The following SEMA6D variants were observed in gnomAD, a reference collection of about 807,000 sequenced individuals.
SEMA6D encodes semaphorin 6D.
In SEMA6D, 35 loss-of-function variants were observed where a neutral mutation model predicts 106.6. The observed-to-expected ratio is 0.33, with a 90% CI of 0.25 to 0.44. The LOEUF is 0.44. Ranked by LOEUF, SEMA6D falls within the 20% of genes least tolerant of loss-of-function variation. SEMA6D has a pLI of 1.00. For missense variants in SEMA6D, 1,185 were observed against 1,345.9 expected (o/e 0.88, Z 1.87); for synonymous variants, 499 against 487.7 (o/e 1.02, Z -0.31).
chr15:47,703,366 A>T (rs1238051503), intron 4 of SEMA6D, among the ~76,000 whole-genome samples: 1 of 152,262 alleles, frequency 6.6e-6, no homozygotes, highest in Non-Finnish European at 1.5e-5. Flanking sequence ...AAGACATGAA[A>T]TACAAGTTTG....
At chr15:47,237,803 G>A (rs1704508148) in intron 1 of SEMA6D, among the ~76,000 whole-genome samples, 1 of 152,068 alleles carries the variant, frequency 6.6e-6, no homozygotes, top group Non-Finnish European at 1.5e-5. Context: ...AGATTCTGAG[G>A]CCCTGGAGGT....
chr15:47,509,993 C>G (rs943981262), intron 3 of SEMA6D, among the ~76,000 whole-genome samples: 12 of 152,194 alleles, frequency 7.9e-5, no homozygotes, highest in Non-Finnish European at 1.3e-4. Flanking sequence ...TGTCATGGCC[C>G]TTCCACCTTA....
chr15:47,383,913 C>T (rs7174904), intron 1 of SEMA6D, among the ~76,000 whole-genome samples: 33,383 of 152,024 alleles, frequency 0.22, 3,934 homozygotes, highest in Middle Eastern at 0.33. Flanking sequence ...TATCTCATGA[C>T]CCAAATTCAA....
chr15:47,207,993 G>GCACACACACACA lies in SEMA6D; in HGVS notation c.-239+23621_-239+23632dup, dbSNP rs57079521. ...AGGTACAGTAGCCACTGGCGCGCGC[G>GCACACACACACA]CACACACACACACACACACACACAC... On this transcript the variant is annotated intron_variant, in intron 1 of 19. Coordinates refer to the SEMA6D transcript ENST00000558014. Among the ~76,000 whole-genome samples the GCACACACACACA allele has an allele frequency of 5.0e-3, 448 of 89,404 alleles. 5 individuals are homozygous for GCACACACACACA. The highest frequency in any genetic ancestry group is 6.2e-3 in the Non-Finnish European group (271 of 43,652). 58.7% of individuals were successfully genotyped at this position (89,404 alleles called of 152,430 possible).
intron 4 of SEMA6D, among the ~76,000 whole-genome samples, chr15:47,705,300 A>C (rs897001796): frequency 3.3e-5 from 5 of 152,198 alleles, no homozygotes; most frequent in Non-Finnish European, 5.9e-5. Flanking sequence ...GGACTTTGGT[A>C]ATATCTAACT....
intron 1 of SEMA6D, among the ~76,000 whole-genome samples, chr15:47,198,834 G>A (rs978443921): frequency 2.0e-5 from 3 of 152,124 alleles, no homozygotes; most frequent in African/African-American, 4.8e-5. Context: ...ATTATACAGT[G>A]ACAGGAGGGA....
intron 3 of SEMA6D, among the ~76,000 whole-genome samples, chr15:47,576,687 A>G (rs1183226823): frequency 2.0e-5 from 3 of 152,136 alleles, no homozygotes; most frequent in East Asian, 1.9e-4. Context: ...CTTTTATTCA[A>G]TATTTACTCC....
intron 2 of SEMA6D, among the ~76,000 whole-genome samples, chr15:47,443,816 G>A (rs768739841): frequency 2.6e-5 from 4 of 152,070 alleles, no homozygotes; most frequent in Admixed American, 6.6e-5. Context: ...AAGATATCAG[G>A]CTGTTTTGGG....
chr15:47,572,884 C>T (rs989833449), intron 3 of SEMA6D, among the ~76,000 whole-genome samples: 2 of 151,958 alleles, frequency 1.3e-5, no homozygotes, highest in Non-Finnish European at 1.5e-5. Flanking sequence ...GAAACAACAT[C>T]GCATATGCAG....
intron 1 of SEMA6D, among the ~76,000 whole-genome samples, chr15:47,269,980 CATA>C (rs1280126037): frequency 6.6e-6 from 1 of 151,682 alleles, no homozygotes; most frequent in Non-Finnish European, 1.5e-5. Context: ...GAATTAACAT[CATA>C]ATAATACTGA....
intron 1 of SEMA6D, among the ~76,000 whole-genome samples, chr15:47,287,892 G>A (rs950644378): frequency 6.3e-4 from 96 of 152,194 alleles, no homozygotes; most frequent in African/African-American, 2.1e-3. Flanking sequence ...GCATGGTGCC[G>A]GCATCTCCTT....
In SEMA6D at chr15:47,225,821, C is replaced by T. The variant is rs182638216; in HGVS notation, c.-239+41403C>T. Among the ~76,000 whole-genome samples, 254 of 152,130 alleles carry T rather than the reference C, an allele frequency of 1.7e-3. 2 individuals are homozygous for T. Among genetic ancestry groups the T allele is most frequent in the African/African-American group, 5.6e-3 (231 of 41,520 alleles). Reference sequence around the variant, plus strand: ...CTGGGATTACAGGCGTGAGCCACCGCGCCCAGTCTTCTTGTGGAGTTTTAA... The same window carrying T: ...CTGGGATTACAGGCGTGAGCCACCGTGCCCAGTCTTCTTGTGGAGTTTTAA... On this transcript the variant is annotated intron_variant, in intron 1 of 19. Coordinates refer to the SEMA6D transcript ENST00000558014.
intron 1 of SEMA6D, among the ~76,000 whole-genome samples, chr15:47,405,427 AC>A (rs954444621): frequency 2.6e-5 from 4 of 151,754 alleles, no homozygotes; most frequent in African/African-American, 9.7e-5. Context: ...CTCCTCCACT[AC>A]CCCCCAAACC....
intron 3 of SEMA6D, among the ~76,000 whole-genome samples, chr15:47,526,252 C>T (rs1454962440): frequency 2.6e-5 from 4 of 152,160 alleles, no homozygotes; most frequent in Non-Finnish European, 5.9e-5. Flanking sequence ...GGCCTATTGA[C>T]CATTTTTCTT....
chr15:47,596,828 C>T (rs1280662186), intron 3 of SEMA6D, among the ~76,000 whole-genome samples: 1 of 151,926 alleles, frequency 6.6e-6, no homozygotes, highest in Non-Finnish European at 1.5e-5. Flanking sequence ...GTAAAACTAA[C>T]TAGAAGAAAA....
intron 1 of SEMA6D, among the ~76,000 whole-genome samples, chr15:47,334,225 A>T (rs553060384): frequency 5.9e-5 from 9 of 152,168 alleles, no homozygotes; most frequent in Non-Finnish European, 1.2e-4. Flanking sequence ...CTTCCCACAT[A>T]GATTGCCCTA....
chr15:47,506,599 A>AACACAC (rs61155774), intron 3 of SEMA6D, among the ~76,000 whole-genome samples: 24,559 of 137,678 alleles, frequency 0.18, 2,305 homozygotes, highest in East Asian at 0.37. Flanking sequence ...CACACACACA[A>AACACAC]ACACACACAC....
At chr15:47,708,153 A>G (rs2078948665) in intron 4 of SEMA6D, among the ~76,000 whole-genome samples, 1 of 152,164 alleles carries the variant, frequency 6.6e-6, no homozygotes, top group African/African-American at 2.4e-5. Flanking sequence ...TCTCTCACTC[A>G]AAAGCATTAC....
At chr15:47,758,974 A>C (rs1341711479) in intron 1 of SEMA6D, among the ~76,000 whole-genome samples, 1 of 152,162 alleles carries the variant, frequency 6.6e-6, no homozygotes, top group East Asian at 1.9e-4. Flanking sequence ...AAGTTCAATA[A>C]AGCTAAAAGG....
Sources: allele counts gnomAD v4.1 joint callset (sites outside exome capture counted in the v4.1 genomes callset), GRCh38; gene constraint gnomAD v4.1.1; transcripts MANE v1.5; gene names NCBI Gene and HGNC (gene_info 2026-07-23, HGNC 2026-07-21).